Variants in CCSER2 observed in about 807,000 individuals in gnomAD.
The protein encoded by CCSER2 is coiled-coil serine rich protein 2, also known as serine-rich coiled-coil domain-containing protein 2.
A neutral mutation model predicts 92.3 loss-of-function variants in CCSER2; 46 were observed. The ratio of observed to expected loss-of-function variants is 0.50; its 90% CI spans 0.39 to 0.64. The LOEUF is 0.64. Among genes scored for constraint, CCSER2 ranks in the 30% least tolerant of loss-of-function variants. The probability of loss-of-function intolerance (pLI) is 0.00; values close to 1 mark genes in which losing one functional copy is unlikely to be tolerated. For missense variants in CCSER2, 1,244 were observed against 1,238.9 expected (o/e 1.00, Z -0.06); for synonymous variants, 433 against 431.4 (o/e 1.00, Z -0.04).
At chr10:84,411,218 G>T (rs1229867890) in intron 3 of CCSER2, among the ~76,000 whole-genome samples, 1 of 152,132 alleles carries the variant, frequency 6.6e-6, no homozygotes, top group Non-Finnish European at 1.5e-5. Context: ...GGGTGCTCCT[G>T]TATATAGGCT....
intron 9 of CCSER2, among the ~76,000 whole-genome samples, chr10:84,502,791 G>C (rs140273999): frequency 6.6e-6 from 1 of 152,164 alleles, no homozygotes; most frequent in Non-Finnish European, 1.5e-5. Context: ...TTAAGTTACG[G>C]AAGTATAGTA....
intron 5 of CCSER2, among the ~76,000 whole-genome samples, chr10:84,437,375 A>G (rs923401451): frequency 6.6e-6 from 1 of 152,018 alleles, no homozygotes; most frequent in Non-Finnish European, 1.5e-5. Flanking sequence ...AAAATTAGGC[A>G]TGATGGTGGG....
intron 3 of CCSER2, among the ~76,000 whole-genome samples, chr10:84,402,127 G>A (rs535616341): frequency 4.6e-5 from 7 of 152,258 alleles, no homozygotes; most frequent in South Asian, 2.1e-4. Context: ...TTCAAGTTCT[G>A]TAAGTACTTA....
At chr10:84,426,624 C>G (rs1481612707) in intron 5 of CCSER2, among the ~76,000 whole-genome samples, 1 of 152,112 alleles carries the variant, frequency 6.6e-6, no homozygotes, top group Non-Finnish European at 1.5e-5. Context: ...TTTTCCTTTT[C>G]ACTTTCTTAT....
chr10:84,440,889 G>A (rs71487110), intron 6 of CCSER2, among the ~76,000 whole-genome samples: 8,869 of 152,192 alleles, frequency 0.058, 372 homozygotes, highest in Admixed American at 0.1. Flanking sequence ...TTATTTAGCC[G>A]TTGAACAGTC....
chr10:84,364,811 G>A lies in CCSER2; in HGVS notation c.-39-6203G>A, dbSNP rs1444465148. Reference sequence around the variant, plus strand: ...GGCTGTAGTGCAGTGGTATGATCTCGGCTCACTGCAACCTCTGCCTCCCGA... The same window carrying A: ...GGCTGTAGTGCAGTGGTATGATCTCAGCTCACTGCAACCTCTGCCTCCCGA... On this transcript the variant is annotated intron_variant, in intron 1 of 9. Transcript: ENST00000372088. 2.1e-5 allele frequency among the ~76,000 whole-genome samples: 3 copies of A among 146,088 alleles called. No homozygotes were observed. The East Asian group carries it at 6.1e-4, about 30-fold the overall frequency.
intron 6 of CCSER2, among the ~76,000 whole-genome samples, chr10:84,457,272 TAA>T (rs1845714761): frequency 5.9e-5 from 1 of 16,830 alleles, no homozygotes; most frequent in South Asian, 1.5e-3. Flanking sequence ...ATATTATATA[TAA>T]TATATTATAT....
intron 9 of CCSER2, chr10:84,499,894 C>T: frequency 6.2e-7 from 1 of 1,614,084 alleles, no homozygotes; most frequent in Non-Finnish European, 8.5e-7. Context: ...TCTGCTCCCT[C>T]CTTCTCTCCT....
Position 84,514,002 on chromosome 10 carries a change from A to C in CCSER2, c.2879A>C (p.Lys960Thr), listed in dbSNP as rs1564740841. 6.5e-7 allele frequency: 1 copy of C among 1,536,520 alleles called. No individual in the cohort carries two copies. Among genetic ancestry groups the C allele is most frequent in the Non-Finnish European group, 8.7e-7 (1 of 1,147,042 alleles). ...SPIITTCNSA[K>T]LQPTSSQTNL... is the part of the protein sequence containing the mutation. ...ATAATCACAACATGTAATTCAGCAA[A>C]ACTTCAGCCAACATCTAGTCAAACA... The change falls in exon 10 of 10, where the codon AAA (lysine) becomes ACA (threonine). Residue 960 changes from lysine to threonine, a missense_variant. Lys to Thr is a moderately conservative substitution (Grantham distance 78). Coordinates refer to ENST00000372088, the MANE Select transcript of CCSER2 (RefSeq NM_001284240.2).
intron 1 of CCSER2, among the ~76,000 whole-genome samples, chr10:84,344,314 T>C (rs572885535): frequency 3.2e-4 from 49 of 152,340 alleles, no homozygotes; most frequent in Non-Finnish European, 5.6e-4. Context: ...TTTCAAAATA[T>C]CTGAATTTAT....
chr10:84,492,482 C>T (rs1373104824), intron 9 of CCSER2, among the ~76,000 whole-genome samples: 2 of 151,966 alleles, frequency 1.3e-5, no homozygotes, highest in African/African-American at 2.4e-5. Context: ...ATTATGTCAC[C>T]AGCTTGGATT....
intron 1 of CCSER2, among the ~76,000 whole-genome samples, chr10:84,333,788 A>G (rs1843695514): frequency 6.6e-6 from 1 of 152,236 alleles, no homozygotes; most frequent in African/African-American, 2.4e-5. Context: ...AAGGCAGTGT[A>G]TTGATTTGGA....
chr10:84,393,254 C>CT (rs1841629749), intron 3 of CCSER2, among the ~76,000 whole-genome samples: 1 of 152,120 alleles, frequency 6.6e-6, no homozygotes, highest in South Asian at 2.1e-4. Flanking sequence ...TGTGCAAAAT[C>CT]TTTGCCTCTG....
At chr10:84,457,633 A>G (rs1446584344) in intron 6 of CCSER2, among the ~76,000 whole-genome samples, 1 of 89,718 alleles carries the variant, frequency 1.1e-5, no homozygotes, top group Non-Finnish European at 2.2e-5. Context: ...TTTATATATT[A>G]TATATAATTA....
At chr10:84,496,294 T>C (rs1004337148) in intron 9 of CCSER2, among the ~76,000 whole-genome samples, 1 of 152,202 alleles carries the variant, frequency 6.6e-6, no homozygotes, top group African/African-American at 2.4e-5. Flanking sequence ...CCCTTTCTTT[T>C]TTCTTTTTTG....
At chr10:84,337,366 G>T (rs1013799216) in intron 1 of CCSER2, among the ~76,000 whole-genome samples, 8 of 152,210 alleles carry the variant, frequency 5.3e-5, no homozygotes, top group African/African-American at 1.9e-4. Flanking sequence ...GTGAAATGTT[G>T]TAAGAAGGAG....
rs866320638 is a variant in CCSER2, at chr10:84,441,734, A to T, written c.2064+3027A>T. 3.8e-5 allele frequency among the ~76,000 whole-genome samples: 4 copies of T among 106,448 alleles called. 1 individual carries two copies. The highest frequency in any genetic ancestry group is 6.8e-4 in the South Asian group (2 of 2,962). The allele number at this position is 106,448 out of a possible 152,430, so 69.8% of individuals were successfully genotyped here. A position where few individuals can be genotyped will look rare whatever the true frequency, so the allele number is the denominator to read the frequency against. On this transcript the variant is annotated intron_variant, in intron 6 of 9. Transcript: ENST00000372088. Reference sequence around the variant, plus strand: ...GGGAATAAAGTAGAAGACTGGGAAAATGTTTTTTTTTTTTTTTTTTTTTTT... The same window carrying T: ...GGGAATAAAGTAGAAGACTGGGAAATTGTTTTTTTTTTTTTTTTTTTTTTT...
intron 3 of CCSER2, among the ~76,000 whole-genome samples, chr10:84,382,293 A>G (rs1001069626): frequency 3.3e-5 from 5 of 152,120 alleles, no homozygotes; most frequent in Non-Finnish European, 5.9e-5. Context: ...TGAAATAGCT[A>G]TGGACTACCT....
At chr10:84,451,254 G>GT (rs554339043) in intron 6 of CCSER2, among the ~76,000 whole-genome samples, 444 of 139,488 alleles carry the variant, frequency 3.2e-3, no homozygotes, top group African/African-American at 4.8e-3. Flanking sequence ...GGTTGGTTGG[G>GT]TTTTTTTTTT....
Sources: gnomAD v4.1 joint callset for allele counts (sites outside exome capture counted in the v4.1 genomes callset) on GRCh38, gnomAD v4.1.1 for gene constraint, MANE v1.5 for transcripts, NCBI Gene and HGNC (gene_info 2026-07-23, HGNC 2026-07-21) for gene names.